TRIM3: variants seen among roughly 807,000 people sequenced by gnomAD.
TRIM3 encodes tripartite motif containing 3.
TRIM3 carries 13 observed loss-of-function variants against 66.6 expected under a neutral mutation model. The ratio of observed to expected loss-of-function variants is 0.20; its 90% CI spans 0.13 to 0.31. TRIM3 has a LOEUF of 0.31. TRIM3 is among the 10% of genes least tolerant of loss of function. The pLI, the probability that TRIM3 is intolerant of heterozygous loss-of-function variation, is 1.00. For missense variants in TRIM3, 711 were observed against 1,020.4 expected, an observed-to-expected ratio of 0.70 and a Z score of 4.13; for synonymous variants, 406 against 411.7, an observed-to-expected ratio of 0.99 and a Z score of 0.17.
intron 2 of TRIM3, among the ~76,000 whole-genome samples, chr11:6,464,854 G>C (rs1850383823): frequency 6.6e-6 from 1 of 152,052 alleles, no homozygotes; most frequent in African/African-American, 2.4e-5. Context: ...GGGCGTGGCG[G>C]CGTGCGCCTG....
At position 6,450,989 on chromosome 11, in the gene TRIM3, C is replaced by G. The variant is rs996165099; in HGVS notation, c.1773G>C (p.Val591=). The change falls in exon 9 of 12, where the codon GTG becomes GTC. Residue 591 remains valine (V), a synonymous_variant. Transcript: ENST00000345851. This position sits in a 1 kb window ranked among gnomAD's most constrained non-coding sequence, Gnocchi z 4.8. ...VAVDRNGHII[V]VDNKSCCVFT... is the part of the protein sequence containing the mutation. ...AGACGCAGCAAGACTTGTTGTCGAC[C>G]ACAATGATATGTCCATTCCGGTCTA... 6 of 1,614,076 alleles carry G rather than the reference C, an allele frequency of 3.7e-6. No individual in the cohort carries two copies. In the African/African-American group the frequency reaches 8.0e-5, roughly 22 times the overall value.
chr11:6,449,685 A>AAG lies in TRIM3; in HGVS notation c.1942-240_1942-239insCT. The AAG allele has an allele frequency of 4.3e-6, 2 of 460,696 alleles. No homozygotes were observed. The highest frequency in any genetic ancestry group is 7.9e-5 in the South Asian group (2 of 25,378). The allele number at this position is 460,696 out of a possible 1,614,324, so 28.5% of individuals were successfully genotyped here. On this transcript the variant is annotated intron_variant, in intron 10 of 11. Coordinates refer to ENST00000345851, the MANE Select transcript of TRIM3 (RefSeq NM_033278.4). The surrounding 1 kb of genome is among the most constrained non-coding windows in gnomAD (Gnocchi z 5.3). Reference sequence around the variant, plus strand: ...TTTTCTTTGGGAAATCAGTTCTCTTAGTTCTCTATCTCAATGACTGGTGCC... The same window carrying AAG: ...TTTTCTTTGGGAAATCAGTTCTCTTAAGGTTCTCTATCTCAATGACTGGTGCC...
chr11:6,457,636 G>T lies in TRIM3; in HGVS notation c.515+60C>A. ...TCCCAGACCCTTTATTCCCCTCCCCGCCCGAGCTAAGACACCATCCCTGTG... is the reference window on the plus strand; with the variant it reads ...TCCCAGACCCTTTATTCCCCTCCCCTCCCGAGCTAAGACACCATCCCTGTG... On this transcript the variant is annotated intron_variant, in intron 4 of 11. Coordinates refer to ENST00000345851, the MANE Select transcript of TRIM3 (RefSeq NM_033278.4). This position sits in a 1 kb window ranked among gnomAD's most constrained non-coding sequence, Gnocchi z 4.5. 2 of 1,569,794 alleles carry T rather than the reference G, an allele frequency of 1.3e-6. No individual in the cohort carries two copies. The highest frequency in any genetic ancestry group is 1.7e-6 in the Non-Finnish European group (2 of 1,154,054).
At position 6,457,377 on chromosome 11, in the gene TRIM3, G is replaced by C. The variant is rs752478685; in HGVS notation, c.615C>G (p.Phe205Leu). The change falls in exon 5 of 12, where the codon TTC becomes TTG. Residue 205 changes from phenylalanine (F) to leucine (L), a missense_variant. This residue lies in a region of TRIM3 where 399 missense variants were observed against 458.1 expected (regional missense o/e 0.87). Transcript: ENST00000345851. The surrounding 1 kb of genome is among the most constrained non-coding windows in gnomAD (Gnocchi z 4.5). ...AEALAQISAA[F>L]EDLEQALQQR... ...GCTGCAGTGCTTGCTCCAGGTCCTC[G>C]AACGCTGCACTGATCTGGGCCAGGG... The C allele has an allele frequency of 3.7e-6, 6 of 1,613,862 alleles. No homozygotes were observed. The highest frequency in any genetic ancestry group is 1.7e-5 in the Admixed American group (1 of 60,024).
At chr11:6,459,112 G>A (rs1166767137) in intron 2 of TRIM3, among the ~76,000 whole-genome samples, 2 of 152,222 alleles carry the variant, frequency 1.3e-5, no homozygotes, top group African/African-American at 4.8e-5. Context: ...GAGAGTTGAT[G>A]CAAACTAAAT....
intron 1 of TRIM3, among the ~76,000 whole-genome samples, chr11:6,468,854 G>GTGAATGAATGAATGAA (rs111290321): frequency 1.5e-3 from 219 of 150,972 alleles, no homozygotes; most frequent in African/African-American, 3.5e-3. Context: ...TCTAAAGACT[G>GTGAATGAATGAATGAA]TGAATGAATG....
In TRIM3 at chr11:6,457,181, G is replaced by T. The variant is rs1461701474; in HGVS notation, c.696+115C>A. ...ACAGCACCTACCGAGGGCATGTCAG[G>T]AGGCAGAATATCTAGGCTGGGGAAT... On this transcript the variant is annotated intron_variant, in intron 5 of 11. Coordinates refer to ENST00000345851, the MANE Select transcript of TRIM3 (RefSeq NM_033278.4). This position sits in a 1 kb window ranked among gnomAD's most constrained non-coding sequence, Gnocchi z 4.5. 6.6e-7 allele frequency: 1 copy of T among 1,522,846 alleles called. No individual in the cohort carries two copies. Among genetic ancestry groups the T allele is most frequent in the Non-Finnish European group, 8.9e-7 (1 of 1,125,968 alleles). The allele number at this position is 1,522,846 out of a possible 1,614,324, so 94.3% of individuals were successfully genotyped here.
intron 1 of TRIM3, among the ~76,000 whole-genome samples, chr11:6,469,922 G>C (rs1271597034): frequency 6.6e-6 from 1 of 152,132 alleles, no homozygotes. Context: ...AGAGAGTATG[G>C]TGCCTTTTGC....
chr11:6,453,291 C>T (rs1308019738), intron 7 of TRIM3: 1 of 152,212 alleles, frequency 6.6e-6, no homozygotes, highest in Non-Finnish European at 1.5e-5. Flanking sequence ...GGGCCTGCTC[C>T]TGAATGGCAA....
intron 8 of TRIM3, 68 bp from the exon 9 acceptor site, chr11:6,451,128 C>CTTGGGCTGGGG: frequency 6.3e-7 from 1 of 1,599,382 alleles, no homozygotes; most frequent in South Asian, 1.1e-5. Flanking sequence ...AACCCAGTAC[C>CTTGGGCTGGGG]AAAGCAGAAT....
At chr11:6,465,818 T>C in intron 1 of TRIM3, 86 bp from the exon 2 acceptor site, 2 of 1,291,444 alleles carry the variant, frequency 1.5e-6, no homozygotes, top group African/African-American at 1.5e-5. Flanking sequence ...TGCAGAGAAC[T>C]TGCCCCCACC....
At position 6,449,102 on chromosome 11, in the gene TRIM3, G is replaced by A. The variant is rs1849614242; in HGVS notation, c.2161C>T (p.Leu721=). ...EPLYGPQGLA[L]TSDGHVVVAD... is the part of the protein sequence containing the mutation. ...ACCACCACATGGCCATCCGAGGTCA[G>A]TGCCAGGCCCTGTGGACCATACAGT... The change falls in exon 12 of 12, where the codon CTG becomes TTG. Residue 721 remains leucine (L), a synonymous_variant. Transcript: ENST00000345851. The surrounding 1 kb of genome is among the most constrained non-coding windows in gnomAD (Gnocchi z 5.3). 3 of 1,614,214 alleles carry A rather than the reference G, an allele frequency of 1.9e-6. No homozygotes were observed. The highest frequency in any genetic ancestry group is 1.1e-5 in the South Asian group (1 of 91,090).
chr11:6,452,021 A>C (rs1849744618), intron 7 of TRIM3: 1 of 153,558 alleles, frequency 6.5e-6, no homozygotes, highest in South Asian at 2.1e-4. Flanking sequence ...GCAGTATTCC[A>C]GTTGAGAAAT....
chr11:6,449,435 G>T lies in TRIM3; in HGVS notation c.1953C>A (p.Ala651=). The part of the protein sequence containing the change: ...FHNHSVKVYS[A]DGEFLFKFGS... ...CAAACTTGAAGAGGAACTCTCCATC[G>T]GCACTGTACACCTGGCGGGGGAAGG... The change falls in exon 11 of 12, where the codon GCC becomes GCA. Residue 651 remains alanine (A), a synonymous_variant. Coordinates refer to ENST00000345851, the MANE Select transcript of TRIM3 (RefSeq NM_033278.4). The surrounding 1 kb of genome is among the most constrained non-coding windows in gnomAD (Gnocchi z 5.3). 1 of 1,613,696 alleles carries T rather than the reference G, an allele frequency of 6.2e-7. No homozygotes were observed. The highest frequency in any genetic ancestry group is 8.5e-7 in the Non-Finnish European group (1 of 1,179,812).
chr11:6,461,580 A>G (rs1314218267), intron 2 of TRIM3, among the ~76,000 whole-genome samples: 2 of 143,504 alleles, frequency 1.4e-5, no homozygotes, highest in African/African-American at 5.3e-5. Context: ...CTTTTCCCCC[A>G]TTTCCCATGC....
At chr11:6,464,955 C>G (rs1190984044) in intron 2 of TRIM3, among the ~76,000 whole-genome samples, 1 of 141,546 alleles carries the variant, frequency 7.1e-6, no homozygotes, top group Admixed American at 7.7e-5. Flanking sequence ...CCACTACACT[C>G]CACCTTGGGC....
In TRIM3 at chr11:6,457,533, C is replaced by A. The variant is rs77383305; in HGVS notation, c.516-57G>T. The A allele has an allele frequency of 6.4e-3, 10,163 of 1,590,306 alleles. 504 individuals carry two copies. In the African/African-American group the frequency reaches 0.12, roughly 18 times the overall value. ...TGAGGGTGGCTTTGCCGAACTTTCC[C>A]TTCTCCCTGGGGAACCTACTGCTGC... On this transcript the variant is annotated intron_variant, in intron 4 of 11. Transcript: ENST00000345851. The surrounding 1 kb of genome is among the most constrained non-coding windows in gnomAD (Gnocchi z 4.5).
intron 1 of TRIM3, among the ~76,000 whole-genome samples, chr11:6,471,397 CA>C (rs1850680721): frequency 1.3e-5 from 2 of 152,184 alleles, no homozygotes; most frequent in Non-Finnish European, 2.9e-5. Flanking sequence ...TTCTCTGAAA[CA>C]AATGAAGCCT....
At chr11:6,462,980 G>A (rs1850310012) in intron 2 of TRIM3, among the ~76,000 whole-genome samples, 1 of 152,172 alleles carries the variant, frequency 6.6e-6, no homozygotes. Context: ...GCTGAGGCGG[G>A]CAGATCACAA....
Sources: allele counts gnomAD v4.1 joint callset (sites outside exome capture counted in the v4.1 genomes callset), GRCh38; gene constraint gnomAD v4.1.1; regional missense constraint gnomAD v4.1.1; non-coding constraint Gnocchi (gnomAD v3.1); transcripts MANE v1.5; gene names NCBI Gene and HGNC (gene_info 2026-07-23, HGNC 2026-07-21).